Variants in GTF2A1L observed in about 807,000 individuals in gnomAD.
The protein encoded by GTF2A1L is TFIIA-alpha and beta-like factor.
Under a neutral mutation model 49.7 loss-of-function variants are expected in GTF2A1L, and 48 were observed. The observed-to-expected ratio is 0.97, with a 90% CI of 0.77 to 1.23. GTF2A1L has a LOEUF of 1.23. Ranked by LOEUF, GTF2A1L falls within the 50% of genes most tolerant of loss-of-function variation. The pLI, the probability that GTF2A1L is intolerant of heterozygous loss-of-function variation, is 0.00. For synonymous variants in GTF2A1L, 246 were observed against 193.5 expected, an observed-to-expected ratio of 1.27 and a Z score of -2.25; for missense variants, 736 against 564.8, an observed-to-expected ratio of 1.30 and a Z score of -3.07.
rs138572813 is a variant in GTF2A1L, at chr2:48,658,501, G to A, written c.979-11221G>A. On this transcript the variant is annotated intron_variant, in intron 6 of 8. Transcript: ENST00000403751. ...CCAGTGCTATGCTGCTTTGGTTACT[G>A]TAGCCTTATAATATGGGTTGAAGTT... Among the ~76,000 whole-genome samples, 7 of 152,242 alleles carry A rather than the reference G, an allele frequency of 4.6e-5. No individual in the cohort carries two copies. The East Asian group carries it at 1.4e-3, about 29-fold the overall frequency.
intron 3 of GTF2A1L, among the ~76,000 whole-genome samples, chr2:48,631,454 G>A (rs2104109890): frequency 6.6e-6 from 1 of 152,200 alleles, no homozygotes; most frequent in Non-Finnish European, 1.5e-5. Flanking sequence ...GTATTTCTGT[G>A]ATTGGTTGTA....
chr2:48,635,071 G>T (rs1269336250), intron 3 of GTF2A1L, among the ~76,000 whole-genome samples: 2 of 152,214 alleles, frequency 1.3e-5, no homozygotes, highest in Admixed American at 6.5e-5. Context: ...ATCCAGGGTA[G>T]TGAGTGCTCC....
At chr2:48,667,163 T>C (rs1000844788) in intron 6 of GTF2A1L, among the ~76,000 whole-genome samples, 3 of 151,800 alleles carry the variant, frequency 2.0e-5, no homozygotes, top group Admixed American at 1.3e-4. Context: ...CTTGCTATGT[T>C]TCCAAGACTA....
intron 6 of GTF2A1L, among the ~76,000 whole-genome samples, chr2:48,653,346 A>G (rs1472615825): frequency 6.6e-6 from 1 of 152,154 alleles, no homozygotes; most frequent in Non-Finnish European, 1.5e-5. Flanking sequence ...ACATGAAGTT[A>G]TACAACCCTA....
At chr2:48,641,863 T>C (rs1677214796) in intron 3 of GTF2A1L, among the ~76,000 whole-genome samples, 1 of 152,184 alleles carries the variant, frequency 6.6e-6, no homozygotes, top group South Asian at 2.1e-4. Flanking sequence ...TTTTTAGCAA[T>C]TGTACCTGTT....
intron 3 of GTF2A1L, among the ~76,000 whole-genome samples, chr2:48,637,177 T>G: frequency 6.6e-6 from 1 of 152,242 alleles, no homozygotes; most frequent in Non-Finnish European, 1.5e-5. Flanking sequence ...GAAATTCACC[T>G]GTTTCTATAT....
At chr2:48,670,113 C>T (rs1158795582) in intron 7 of GTF2A1L, 131 bp downstream of exon 7, 1 of 1,336,326 alleles carries the variant, frequency 7.5e-7, no homozygotes. Context: ...TTATTTGGGG[C>T]CGGGCACGGT....
intron 6 of GTF2A1L, among the ~76,000 whole-genome samples, chr2:48,648,286 A>T (rs114596339): frequency 0.016 from 2,493 of 152,246 alleles, 27 homozygotes; most frequent in Middle Eastern, 0.031. Context: ...TAAACTAATA[A>T]GTATGAAACA....
At chr2:48,620,682 C>G (rs2104052011) in intron 1 of GTF2A1L, among the ~76,000 whole-genome samples, 169 bp from the exon 2 acceptor site, 1 of 152,176 alleles carries the variant, frequency 6.6e-6, no homozygotes, top group South Asian at 2.1e-4. Context: ...GAGGCTGAGG[C>G]AGGAGAATTG....
intron 8 of GTF2A1L, among the ~76,000 whole-genome samples, chr2:48,676,814 T>C (rs1231560007): frequency 2.0e-5 from 3 of 150,824 alleles, no homozygotes; most frequent in East Asian, 1.9e-4. Flanking sequence ...TATCTATATA[T>C]CTATATCTAT....
chr2:48,622,383 G>A (rs893591917), intron 3 of GTF2A1L, among the ~76,000 whole-genome samples: 1 of 152,136 alleles, frequency 6.6e-6, no homozygotes, highest in Non-Finnish European at 1.5e-5. Context: ...TCATCAGTTG[G>A]GTTTTTGGCT....
intron 8 of GTF2A1L, among the ~76,000 whole-genome samples, chr2:48,677,578 G>A (rs1324665280): frequency 6.6e-6 from 1 of 151,952 alleles, no homozygotes; most frequent in African/African-American, 2.4e-5. Context: ...TCATTGGAGA[G>A]TTTCGACAAG....
chr2:48,629,806 G>T (rs1315018780), intron 3 of GTF2A1L, among the ~76,000 whole-genome samples: 6 of 144,354 alleles, frequency 4.2e-5, no homozygotes, highest in African/African-American at 1.5e-4. Flanking sequence ...TGTGGTAAAA[G>T]GTAGGAGTCT....
At chr2:48,652,631 C>T (rs979631694) in intron 6 of GTF2A1L, among the ~76,000 whole-genome samples, 5 of 151,128 alleles carry the variant, frequency 3.3e-5, no homozygotes, top group African/African-American at 9.7e-5. Context: ...AACAAACAAA[C>T]AGCCAATTTC....
At chr2:48,620,170 G>T (rs1300189244) in intron 1 of GTF2A1L, among the ~76,000 whole-genome samples, 3 of 152,100 alleles carry the variant, frequency 2.0e-5, no homozygotes, top group Non-Finnish European at 4.4e-5. Flanking sequence ...GAAAACAGAA[G>T]GTCTATTTCT....
At chr2:48,651,630 T>A (rs1677852463) in intron 6 of GTF2A1L, among the ~76,000 whole-genome samples, 1 of 152,152 alleles carries the variant, frequency 6.6e-6, no homozygotes, top group Non-Finnish European at 1.5e-5. Flanking sequence ...CAGCCAATAA[T>A]TCTAAAAGAA....
intron 6 of GTF2A1L, among the ~76,000 whole-genome samples, chr2:48,665,777 C>T (rs1253867095): frequency 6.6e-6 from 1 of 151,872 alleles, no homozygotes; most frequent in Non-Finnish European, 1.5e-5. Flanking sequence ...AGCTATTTGG[C>T]TATTTTTGGG....
chr2:48,618,096 C>T (rs1675765900), intron 1 of GTF2A1L: 2 of 556,428 alleles, frequency 3.6e-6, no homozygotes, highest in East Asian at 3.1e-5. Flanking sequence ...GAAGTTGGGC[C>T]AGCCCCGCCA....
rs766109911 is a variant in GTF2A1L, at chr2:48,646,670, T to C, written c.606T>C (p.Ser202=). 2 of 1,614,044 alleles carry C rather than the reference T, an allele frequency of 1.2e-6. No homozygotes were observed. Among genetic ancestry groups the C allele is most frequent in the Non-Finnish European group, 1.7e-6 (2 of 1,180,010 alleles). ...TACAGCAACCCGCAATTCTACCTTC[T>C]GGGCCAGTAGATAGGAAACACTTAG... ...TVLQQPAILP[S]GPVDRKHLEN... The change falls in exon 6 of 9, where the codon TCT becomes TCC. Residue 202 remains serine (S), a synonymous_variant. Transcript: ENST00000403751.
Sources: gnomAD v4.1 joint callset for allele counts (sites outside exome capture counted in the v4.1 genomes callset) on GRCh38, gnomAD v4.1.1 for gene constraint, MANE v1.5 for transcripts, NCBI Gene and HGNC (gene_info 2026-07-23, HGNC 2026-07-21) for gene names.